The following LHCGR variants were observed in gnomAD, a reference collection of about 807,000 sequenced individuals.
LHCGR encodes luteinizing hormone/choriogonadotropin receptor.
A neutral mutation model predicts 60.7 loss-of-function variants in LHCGR; 55 were observed. The observed-to-expected ratio is 0.91, with a 90% confidence interval of 0.73 to 1.13. LHCGR has a LOEUF of 1.13. LHCGR is among the 50% of genes most tolerant of loss of function. The pLI is 0.00. For missense variants in LHCGR, 862 were observed against 836.0 expected, an observed-to-expected ratio of 1.03 and a Z score of -0.38; for synonymous variants, 337 against 316.5, an observed-to-expected ratio of 1.06 and a Z score of -0.69.
intron 8 of LHCGR, among the ~76,000 whole-genome samples, chr2:48,707,988 A>C (rs1667778294): frequency 6.6e-6 from 1 of 152,126 alleles, no homozygotes; most frequent in South Asian, 2.1e-4. Context: ...TCCCTGGGTG[A>C]GGTGACGCCC....
At chr2:48,726,390 G>C (rs532110523) in intron 3 of LHCGR, among the ~76,000 whole-genome samples, 1 of 152,278 alleles carries the variant, frequency 6.6e-6, no homozygotes, top group East Asian at 1.9e-4. Context: ...CTGCCTCACA[G>C]GTTAGTAGGT....
chr2:48,696,892 C>G lies in LHCGR; in HGVS notation c.866+1723G>C, dbSNP rs12468825. Among the ~76,000 whole-genome samples, 5 of 152,246 alleles carry G rather than the reference C, an allele frequency of 3.3e-5. No individual in the cohort carries two copies. In the South Asian group the frequency reaches 8.3e-4, roughly 25 times the overall value. On this transcript the variant is annotated intron_variant, in intron 9 of 10. Coordinates refer to ENST00000294954, the MANE Select transcript of LHCGR (RefSeq NM_000233.4). ...AAAATGTGGGTATCCAGAATCAGCT[C>G]TATCATAAACCAGTATCTCTGTCAT...
intron 10 of LHCGR, among the ~76,000 whole-genome samples, chr2:48,689,957 G>A (rs1021795522): frequency 1.3e-5 from 2 of 152,082 alleles, no homozygotes; most frequent in Non-Finnish European, 2.9e-5. Flanking sequence ...CTCGTGATCT[G>A]CCCGCCTCGG....
chr2:48,692,578 G>C (rs1666906195), intron 10 of LHCGR, among the ~76,000 whole-genome samples: 1 of 152,156 alleles, frequency 6.6e-6, no homozygotes, highest in South Asian at 2.1e-4. Flanking sequence ...GGCTATGTGG[G>C]GAGTATGAAT....
chr2:48,716,218 A>G (rs1323310818), intron 6 of LHCGR, among the ~76,000 whole-genome samples: 2 of 152,184 alleles, frequency 1.3e-5, no homozygotes, highest in Non-Finnish European at 2.9e-5. Context: ...GGGTCTTGGC[A>G]GATACAAGGA....
chr2:48,708,640 A>G (rs1667821225), intron 8 of LHCGR: 2 of 508,114 alleles, frequency 3.9e-6, no homozygotes, highest in Non-Finnish European at 7.2e-6. Flanking sequence ...AAGAACTAGC[A>G]CAAGCTAGGA....
chr2:48,726,473 C>G (rs1668735015), intron 3 of LHCGR, among the ~76,000 whole-genome samples: 1 of 152,162 alleles, frequency 6.6e-6, no homozygotes, highest in Non-Finnish European at 1.5e-5. Context: ...CCATACACCA[C>G]TGTGATGTTA....
chr2:48,694,977 C>T (rs1215213510), intron 9 of LHCGR, among the ~76,000 whole-genome samples: 1 of 151,970 alleles, frequency 6.6e-6, no homozygotes, highest in African/African-American at 2.4e-5. Context: ...TCTTCCACAG[C>T]CTTGCCAGCA....
intron 1 of LHCGR, among the ~76,000 whole-genome samples, chr2:48,738,630 C>T (rs1194490043): frequency 6.6e-6 from 1 of 152,166 alleles, no homozygotes; most frequent in African/African-American, 2.4e-5. Context: ...AACCAATACA[C>T]TAGACTTGCA....
rs779127023 is a variant in LHCGR, at chr2:48,729,234, A to G, written c.234-7T>C. 2 of 1,596,524 alleles carry G rather than the reference A, an allele frequency of 1.3e-6. No individual in the cohort carries two copies. Among genetic ancestry groups the G allele is most frequent in the Admixed American group, 1.7e-5 (1 of 59,974 alleles). On this transcript the variant is annotated splice_region_variant and splice_polypyrimidine_tract_variant and intron_variant, in intron 2 of 10. Coordinates refer to ENST00000294954, the MANE Select transcript of LHCGR (RefSeq NM_000233.4). ...ATCAATCTGAGAGATTTCACTAGGG[A>G]AGAGAGGAGGGGGAAAAAGAGAAAG...
At chr2:48,694,711 C>CT (rs969559551) in intron 9 of LHCGR, among the ~76,000 whole-genome samples, 2 of 152,126 alleles carry the variant, frequency 1.3e-5, no homozygotes, top group African/African-American at 2.4e-5. Flanking sequence ...AACTGGGCAT[C>CT]TTTTTTGTAA....
chr2:48,723,479 C>T lies in LHCGR; in HGVS notation c.513G>A (p.Gly171=), dbSNP rs1668587969. Residue 171 remains glycine (G), a synonymous_variant, in exon 6 of 11, where the codon GGG becomes GGA. Transcript: ENST00000294954. ...ITTIPGNAFQ[G]MNNESVTLKL... is the part of the protein sequence containing the mutation. ...ACAGTGTTACAGATTCATTATTCAT[C>T]CCTTGAAAAGCATTTCCTGGTATGG... 1.9e-6 allele frequency: 3 copies of T among 1,611,634 alleles called. No homozygotes were observed. Among genetic ancestry groups the T allele is most frequent in the African/African-American group, 1.3e-5 (1 of 74,898 alleles).
chr2:48,728,449 GAGTAAA>G (rs1323308177), intron 3 of LHCGR, among the ~76,000 whole-genome samples: 5 of 152,174 alleles, frequency 3.3e-5, no homozygotes, highest in Non-Finnish European at 7.3e-5. Context: ...GTTTGCGCCT[GAGTAAA>G]AGCAGCAGTA....
At chr2:48,721,667 C>G (rs1366280537) in intron 6 of LHCGR, 1 of 470,602 alleles carries the variant, frequency 2.1e-6, no homozygotes, top group East Asian at 6.9e-5. Flanking sequence ...CTGAGATGAT[C>G]TCTTCTTTTG....
At chr2:48,689,870 G>A (rs1011498780) in intron 10 of LHCGR, among the ~76,000 whole-genome samples, 4 of 151,880 alleles carry the variant, frequency 2.6e-5, no homozygotes, top group Non-Finnish European at 5.9e-5. Context: ...GCATGCCACC[G>A]CACCCAGCTA....
chr2:48,734,478 C>G (rs2103648170), intron 1 of LHCGR, among the ~76,000 whole-genome samples: 1 of 152,260 alleles, frequency 6.6e-6, no homozygotes, highest in East Asian at 1.9e-4. Flanking sequence ...CAACTTAACC[C>G]TCTGTACTAG....
chr2:48,719,621 C>T (rs1466838346), intron 6 of LHCGR, among the ~76,000 whole-genome samples: 1 of 152,102 alleles, frequency 6.6e-6, no homozygotes, highest in African/African-American at 2.4e-5. Context: ...TAATGAACAA[C>T]CAAAGTGGCT....
At position 48,723,806 on chromosome 2, in the gene LHCGR, C is replaced by G. The variant is rs1430350171; in HGVS notation, c.384-110G>C. 3 of 804,044 alleles carry G rather than the reference C, an allele frequency of 3.7e-6. No individual in the cohort carries two copies. In the Admixed American group the frequency reaches 5.8e-5, roughly 16 times the overall value. The allele number at this position is 804,044 out of a possible 1,614,324, so 49.8% of individuals were successfully genotyped here. A position where few individuals can be genotyped will look rare whatever the true frequency, so the allele number is the denominator to read the frequency against. On this transcript the variant is annotated intron_variant, in intron 4 of 10. Transcript: ENST00000294954. ...AAAGGCATTTTGCAAATACAACTTT[C>G]ACATTAAATTTAAAAATATTGAGTT...
At chr2:48,734,041 C>T (rs1480454790) in intron 1 of LHCGR, among the ~76,000 whole-genome samples, 4 of 152,136 alleles carry the variant, frequency 2.6e-5, no homozygotes, top group Admixed American at 1.3e-4. Context: ...CAAATTGATA[C>T]TTAAAGGAAT....
Sources: allele counts gnomAD v4.1 joint callset (sites outside exome capture counted in the v4.1 genomes callset), GRCh38; gene constraint gnomAD v4.1.1; transcripts MANE v1.5; gene names NCBI Gene and HGNC (gene_info 2026-07-23, HGNC 2026-07-21).